GALNT18: variants seen among roughly 807,000 people sequenced by gnomAD.
The protein encoded by GALNT18 is polypeptide N-acetylgalactosaminyltransferase 18.
GALNT18 carries 44 observed loss-of-function variants against 69.5 expected under a neutral mutation model. The observed-to-expected ratio is 0.63, with a 90% CI of 0.50 to 0.81. GALNT18 has a LOEUF of 0.81. GALNT18 is among the 40% of genes least tolerant of loss of function. The pLI, the probability that GALNT18 is intolerant of heterozygous loss-of-function variation, is 0.00. For missense variants in GALNT18, 715 were observed against 810.0 expected (o/e 0.88, Z 1.42); for synonymous variants, 364 against 318.2 (o/e 1.14, Z -1.53).
intron 10 of GALNT18, among the ~76,000 whole-genome samples, chr11:11,289,644 C>T (rs12360863): frequency 0.18 from 27,015 of 152,160 alleles, 3,042 homozygotes; most frequent in Non-Finnish European, 0.25. Context: ...CTGGCCACAG[C>T]CCCAAGGCAT....
At chr11:11,378,792 C>A (rs945021006) in intron 4 of GALNT18, among the ~76,000 whole-genome samples, 4 of 152,126 alleles carry the variant, frequency 2.6e-5, no homozygotes, top group Non-Finnish European at 4.4e-5. Flanking sequence ...TGGCATGTAC[C>A]CTTCTCCCTG....
At chr11:11,298,745 T>C (rs1849443108) in intron 9 of GALNT18, among the ~76,000 whole-genome samples, 2 of 152,248 alleles carry the variant, frequency 1.3e-5, no homozygotes, top group Non-Finnish European at 2.9e-5. Context: ...GGTCTTCTTT[T>C]GTCTTTTGGA....
intron 10 of GALNT18, among the ~76,000 whole-genome samples, chr11:11,289,861 A>T (rs1361013716): frequency 6.6e-6 from 1 of 152,152 alleles, no homozygotes; most frequent in Non-Finnish European, 1.5e-5. Flanking sequence ...TCAATGTCTC[A>T]TATTGGAGGT....
chr11:11,330,363 C>A (rs866836844), intron 8 of GALNT18, among the ~76,000 whole-genome samples: 6 of 152,222 alleles, frequency 3.9e-5, no homozygotes, highest in African/African-American at 7.2e-5. Flanking sequence ...TCAGACCCAG[C>A]AAATACTCTT....
chr11:11,300,226 G>T (rs1311052011), intron 9 of GALNT18, among the ~76,000 whole-genome samples: 1 of 152,158 alleles, frequency 6.6e-6, no homozygotes, highest in Non-Finnish European at 1.5e-5. Flanking sequence ...CTATCAAGTA[G>T]GTGCCCGTGA....
chr11:11,513,642 C>T (rs1340741513), intron 1 of GALNT18, among the ~76,000 whole-genome samples: 1 of 152,182 alleles, frequency 6.6e-6, no homozygotes, highest in East Asian at 1.9e-4. Flanking sequence ...TTCAAGTAAT[C>T]CAATCTGTTT....
chr11:11,490,643 T>G (rs35067202), intron 1 of GALNT18, among the ~76,000 whole-genome samples: 48,767 of 152,062 alleles, frequency 0.32, 8,106 homozygotes, highest in East Asian at 0.45. Flanking sequence ...TGGCCAATGG[T>G]GTGACCAGAG....
chr11:11,545,366 G>C (rs934083471), intron 1 of GALNT18, among the ~76,000 whole-genome samples: 1 of 152,236 alleles, frequency 6.6e-6, no homozygotes, highest in African/African-American at 2.4e-5. Flanking sequence ...CAAGGACTCA[G>C]GAAAGAGGGC....
At chr11:11,408,345 A>G (rs1276209499) in intron 3 of GALNT18, among the ~76,000 whole-genome samples, 2 of 137,034 alleles carry the variant, frequency 1.5e-5, no homozygotes, top group African/African-American at 5.5e-5. Flanking sequence ...AGCCTGAGTG[A>G]CAGAGCAAGA....
At chr11:11,319,160 C>T (rs1050328486) in intron 9 of GALNT18, among the ~76,000 whole-genome samples, 4 of 152,138 alleles carry the variant, frequency 2.6e-5, no homozygotes, top group Non-Finnish European at 4.4e-5. Context: ...CTTGCTTAAC[C>T]GTCTTACAAA....
chr11:11,558,557 T>A (rs1291088263), intron 1 of GALNT18, among the ~76,000 whole-genome samples: 1 of 152,260 alleles, frequency 6.6e-6, no homozygotes, highest in Non-Finnish European at 1.5e-5. Context: ...CCCTGCTTCA[T>A]GCTTGGAGTC....
chr11:11,413,710 G>C lies in GALNT18; in HGVS notation c.595+18911C>G, dbSNP rs988671287. Among the ~76,000 whole-genome samples the C allele has an allele frequency of 2.8e-4, 43 of 152,288 alleles. No individual in the cohort carries two copies. The highest frequency in any genetic ancestry group is 3.1e-4 in the Non-Finnish European group (21 of 68,030). On this transcript the variant is annotated intron_variant, in intron 3 of 10. Coordinates refer to ENST00000227756, the MANE Select transcript of GALNT18 (RefSeq NM_198516.3). This position sits in a 1 kb window ranked among gnomAD's most constrained non-coding sequence, Gnocchi z 4.7. ...TGACTACTCCAGGGGTCCAGGCCCTGGTTCTTTGAAGCCTTGCTGTGTTAT... is the reference window on the plus strand; with the variant it reads ...TGACTACTCCAGGGGTCCAGGCCCTCGTTCTTTGAAGCCTTGCTGTGTTAT...
In GALNT18 at chr11:11,341,687, A is replaced by G. The variant is rs17436157; in HGVS notation, c.1093-683T>C. Among the ~76,000 whole-genome samples the G allele has an allele frequency of 0.19, 28,256 of 152,214 alleles. 2,862 individuals carry two copies. The highest frequency in any genetic ancestry group is 0.27 in the African/African-American group (11,187 of 41,530). ...GGCAGCATCTCAAAGCTCTCGCTAC[A>G]ATCTTTCCAGCCATCCTGACCTTTC... is the stretch of plus-strand genomic sequence containing the variant. On this transcript the variant is annotated intron_variant, in intron 6 of 10. Transcript: ENST00000227756. The surrounding 1 kb of genome is among the most constrained non-coding windows in gnomAD (Gnocchi z 6.3).
chr11:11,298,198 C>G (rs1246058750), intron 9 of GALNT18, among the ~76,000 whole-genome samples: 4 of 152,222 alleles, frequency 2.6e-5, no homozygotes, highest in African/African-American at 9.6e-5. Flanking sequence ...AGCCACCCCT[C>G]ACATGTGTCA....
In GALNT18 at chr11:11,461,730, GAC is replaced by G. The variant is rs1490928740; in HGVS notation, c.236-12796_236-12795del. ...TAATGTTAAAGAGGCATGCTTCCCTGACACAGACACACGGATGGGAACAGCTG... is the reference window on the plus strand; with the variant it reads ...TAATGTTAAAGAGGCATGCTTCCCTGACAGACACACGGATGGGAACAGCTG... On this transcript the variant is annotated intron_variant, in intron 1 of 10. Transcript: ENST00000227756. The surrounding 1 kb of genome is among the most constrained non-coding windows in gnomAD (Gnocchi z 4.1). Among the ~76,000 whole-genome samples the G allele has an allele frequency of 6.6e-6, 1 of 152,178 alleles. No individual in the cohort carries two copies. Among genetic ancestry groups the G allele is most frequent in the Non-Finnish European group, 1.5e-5 (1 of 68,042 alleles).
rs555105036 is a variant in GALNT18 at position 11,514,593 on chromosome 11, C to A, written c.236-65657G>T. Among the ~76,000 whole-genome samples the A allele has an allele frequency of 5.9e-5, 9 of 152,338 alleles. No homozygotes were observed. In the East Asian group the frequency reaches 1.7e-3, roughly 29 times the overall value. On this transcript the variant is annotated intron_variant, in intron 1 of 10. Coordinates refer to ENST00000227756, the MANE Select transcript of GALNT18 (RefSeq NM_198516.3). ...CAGCCACAAGCCACTAGTCCTGCGA[C>A]CCCTTCCTACTCTTGCCCTACAAAT...
intron 1 of GALNT18, among the ~76,000 whole-genome samples, chr11:11,472,718 G>A (rs1856299584): frequency 6.6e-6 from 1 of 152,178 alleles, no homozygotes; most frequent in Non-Finnish European, 1.5e-5. Context: ...CAGACAGTAT[G>A]TTCAGTATTT....
intron 3 of GALNT18, among the ~76,000 whole-genome samples, chr11:11,393,486 T>G (rs1313175485): frequency 6.6e-6 from 1 of 152,268 alleles, no homozygotes; most frequent in Non-Finnish European, 1.5e-5. Context: ...CTTGTCAGCT[T>G]TCAGCATGAA....
chr11:11,278,010 A>G (rs1848985594), intron 10 of GALNT18, among the ~76,000 whole-genome samples: 1 of 152,188 alleles, frequency 6.6e-6, no homozygotes, highest in Non-Finnish European at 1.5e-5. Context: ...GTAGATGTCT[A>G]TTAAGTCCAC....
Sources: allele counts gnomAD v4.1 joint callset (sites outside exome capture counted in the v4.1 genomes callset), GRCh38; gene constraint gnomAD v4.1.1; non-coding constraint Gnocchi (gnomAD v3.1); transcripts MANE v1.5; gene names NCBI Gene and HGNC (gene_info 2026-07-23, HGNC 2026-07-21).